The following DGKG variants were observed in gnomAD, a reference collection of about 807,000 sequenced individuals.
DGKG encodes the protein DAG kinase gamma.
Under a neutral mutation model 105.3 loss-of-function variants are expected in DGKG, and 78 were observed. The observed-to-expected ratio is 0.74, with a 90% CI of 0.62 to 0.89. DGKG has a LOEUF of 0.89. Ranked by LOEUF, DGKG falls within the 40% of genes least tolerant of loss-of-function variation. The pLI is 0.00. For synonymous variants in DGKG, 346 were observed against 367.1 expected (o/e 0.94, Z 0.66); for missense variants, 958 against 1,020.1 (o/e 0.94, Z 0.83).
intron 2 of DGKG, among the ~76,000 whole-genome samples, chr3:186,314,703 G>A (rs867531180): frequency 3.7e-4 from 55 of 147,876 alleles, no homozygotes; most frequent in Middle Eastern, 7.2e-3. Context: ...GTGGTGAGCC[G>A]AGATCGCGCC....
intron 22 of DGKG, among the ~76,000 whole-genome samples, chr3:186,183,324 G>A (rs1458338949): frequency 6.6e-6 from 1 of 152,154 alleles, no homozygotes; most frequent in Non-Finnish European, 1.5e-5. Flanking sequence ...GGAGGAGGCT[G>A]GGTATAACCT....
chr3:186,343,206 C>G (rs1205645557), intron 1 of DGKG, among the ~76,000 whole-genome samples: 1 of 152,228 alleles, frequency 6.6e-6, no homozygotes, highest in Non-Finnish European at 1.5e-5. Context: ...TACTGAACCA[C>G]TTTCGTTGAT....
chr3:186,182,947 G>A (rs1432208778), intron 22 of DGKG, among the ~76,000 whole-genome samples: 3 of 152,282 alleles, frequency 2.0e-5, no homozygotes, highest in Middle Eastern at 3.4e-3. Flanking sequence ...ACACATGCCC[G>A]TGACACAGGC....
chr3:186,262,125 G>C (rs539992570), intron 14 of DGKG, among the ~76,000 whole-genome samples: 2 of 152,152 alleles, frequency 1.3e-5, no homozygotes, highest in Non-Finnish European at 2.9e-5. Context: ...AAGCACGGCC[G>C]TCTGATCATA....
Position 186,288,856 on chromosome 3 carries a change from G to A in DGKG, c.398C>T (p.Ala133Val), listed in dbSNP as rs1365903059. 1.3e-6 allele frequency: 2 copies of A among 1,588,190 alleles called. No homozygotes were observed. Among genetic ancestry groups the A allele is most frequent in the Non-Finnish European group, 1.7e-6 (2 of 1,169,198 alleles). Reference protein sequence around the residue: ...DTESNMAEKQAPAEDQVAATP... With the variant: ...DTESNMAEKQVPAEDQVAATP... ...CGCAGCCACTTGGTCTTCAGCTGGT[G>A]CTTGCTTCTCAGCCATATTTGATTC... Residue 133 changes from alanine (A) to valine (V), a missense_variant, in exon 6 of 25, where the codon GCA becomes GTA. Transcript: ENST00000265022.
rs1312969422 is a variant in DGKG at position 186,164,008 on chromosome 3, G to A, written c.2216+890C>T. Among the ~76,000 whole-genome samples, 3 of 152,204 alleles carry A rather than the reference G, an allele frequency of 2.0e-5. No homozygotes were observed. The East Asian group carries it at 5.8e-4, about 29-fold the overall frequency. On this transcript the variant is annotated intron_variant, in intron 23 of 24. Coordinates refer to ENST00000265022, the MANE Select transcript of DGKG (RefSeq NM_001346.3). ...CAGTGGAGCAGACCTTCAGCTAAGA[G>A]ACCTCAGGGAATCCGCTCTGGGGAC...
At chr3:186,243,254 T>C (rs1462384969) in intron 19 of DGKG, among the ~76,000 whole-genome samples, 1 of 151,738 alleles carries the variant, frequency 6.6e-6, no homozygotes, top group Non-Finnish European at 1.5e-5. Context: ...ATCACTTCAC[T>C]CGAAGGACTC....
At chr3:186,265,339 G>C in intron 13 of DGKG, 33 bp from the exon 14 acceptor site, 1 of 1,599,732 alleles carries the variant, frequency 6.3e-7, no homozygotes, top group Non-Finnish European at 8.6e-7. Flanking sequence ...AGCATCTTTT[G>C]GAAAAAGAAG....
chr3:186,157,878 T>C lies in DGKG; in HGVS notation c.2277+3725A>G, dbSNP rs145446012. Among the ~76,000 whole-genome samples, 318 of 152,192 alleles carry C rather than the reference T, an allele frequency of 2.1e-3. 3 individuals are homozygous for C. Among genetic ancestry groups the C allele is most frequent in the African/African-American group, 7.4e-3 (306 of 41,512 alleles). ...CCACCATGCCTGGCTAATTTTTGTA[T>C]TTTTGGTACAGATGGGGTTTAGCCA... On this transcript the variant is annotated intron_variant, in intron 24 of 24. Transcript: ENST00000265022.
At chr3:186,348,459 T>C (rs1183257716) in intron 1 of DGKG, among the ~76,000 whole-genome samples, 1 of 147,800 alleles carries the variant, frequency 6.8e-6, no homozygotes, top group South Asian at 2.1e-4. Context: ...ATCTTTTTTT[T>C]TTTTTTTTTT....
intron 1 of DGKG, among the ~76,000 whole-genome samples, chr3:186,329,630 A>G (rs1409643001): frequency 6.6e-6 from 1 of 152,264 alleles, no homozygotes; most frequent in Non-Finnish European, 1.5e-5. Flanking sequence ...ACTAAAAGCT[A>G]CAAAGATAAA....
chr3:186,345,747 A>G (rs149660198), intron 1 of DGKG, among the ~76,000 whole-genome samples: 2 of 152,220 alleles, frequency 1.3e-5, no homozygotes, highest in Admixed American at 1.3e-4. Context: ...CTGTTTGAAT[A>G]TATTTTACTT....
intron 21 of DGKG, among the ~76,000 whole-genome samples, chr3:186,197,685 A>C (rs994444832): frequency 3.9e-5 from 6 of 152,178 alleles, no homozygotes; most frequent in Admixed American, 1.3e-4. Context: ...GTTTGGACAT[A>C]GGAGAGTAGC....
chr3:186,214,860 T>C (rs1039043502), intron 20 of DGKG, among the ~76,000 whole-genome samples: 1 of 152,166 alleles, frequency 6.6e-6, no homozygotes, highest in Admixed American at 6.5e-5. Context: ...CACAGTGTGG[T>C]TGGCCAAGAA....
At chr3:186,161,758 T>C in intron 23 of DGKG, 95 bp from the exon 24 acceptor site, 1 of 1,574,516 alleles carries the variant, frequency 6.4e-7, no homozygotes, top group South Asian at 1.1e-5. Context: ...GAAAACCTTA[T>C]CTGCCTACCT....
At position 186,254,818 on chromosome 3, in the gene DGKG, G is replaced by A. The variant is rs917208773; in HGVS notation, c.1511-1636C>T. Among the ~76,000 whole-genome samples the A allele has an allele frequency of 4.6e-5, 7 of 152,020 alleles. No individual in the cohort carries two copies. The East Asian group carries it at 5.8e-4, about 13-fold the overall frequency. The stretch of plus-strand genomic sequence containing the variant: ...GGAAGTCCATGAACCACAGTCCCTC[G>A]CACTGGCTCACTGCTTTCACTTCTG... On this transcript the variant is annotated intron_variant, in intron 17 of 24. Transcript: ENST00000265022.
Position 186,149,452 on chromosome 3 carries a change from C to T in DGKG, c.*638G>A. 1 of 985,470 alleles carries T rather than the reference C, an allele frequency of 1.0e-6. No individual in the cohort carries two copies. Among genetic ancestry groups the T allele is most frequent in the Non-Finnish European group, 1.2e-6 (1 of 829,948 alleles). The allele number at this position is 985,470 out of a possible 1,614,324, so 61.0% of individuals were successfully genotyped here. A position where few individuals can be genotyped will look rare whatever the true frequency, so the allele number is the denominator to read the frequency against. On this transcript the variant is annotated 3_prime_UTR_variant, in exon 25 of 25. Coordinates refer to ENST00000265022, the MANE Select transcript of DGKG (RefSeq NM_001346.3). ...GTTCCTGGAAAATAACAAGTGCCCA[C>T]CGACGGCGCAGAAACCCAAGAATGG... is the stretch of plus-strand genomic sequence containing the variant.
At chr3:186,225,119 G>A (rs1334743443) in intron 20 of DGKG, among the ~76,000 whole-genome samples, 1 of 149,822 alleles carries the variant, frequency 6.7e-6, no homozygotes, top group East Asian at 2.0e-4. Flanking sequence ...TTTTGAGACA[G>A]GGTCTCACTC....
At position 186,257,859 on chromosome 3, in the gene DGKG, C is replaced by A. The variant is rs952354055; in HGVS notation, c.1505G>T (p.Cys502Phe). 1 of 1,613,398 alleles carries A rather than the reference C, an allele frequency of 6.2e-7. No homozygotes were observed. The highest frequency in any genetic ancestry group is 8.5e-7 in the Non-Finnish European group (1 of 1,179,504). The change falls in exon 17 of 25, where the codon TGC becomes TTC. Residue 502 changes from cysteine to phenylalanine, a missense_variant. This residue lies in a region of DGKG where 315 missense variants were observed against 400.6 expected (regional missense o/e 0.79). Coordinates refer to ENST00000265022, the MANE Select transcript of DGKG (RefSeq NM_001346.3). ...GDGTVGWILD[C>F]IDKANFAKHP... ...CCCTCTCAGCCCATGCTTACCAATG[C>A]AATCCAAAATCCAGCCAACTGTCCC...
Sources: allele counts gnomAD v4.1 joint callset (sites outside exome capture counted in the v4.1 genomes callset), GRCh38; gene constraint gnomAD v4.1.1; regional missense constraint gnomAD v4.1.1; transcripts MANE v1.5; gene names NCBI Gene and HGNC (gene_info 2026-07-23, HGNC 2026-07-21).